The following ENO1 variants were observed in gnomAD, a reference collection of about 807,000 sequenced individuals.
ENO1 encodes the protein alpha-enolase.
Under a neutral mutation model 46.3 loss-of-function variants are expected in ENO1, and 33 were observed. That is an observed-to-expected ratio of 0.71 (90% CI 0.54 to 0.95). ENO1 has a LOEUF of 0.95. Ranked by LOEUF, ENO1 falls within the 40% of genes least tolerant of loss-of-function variation. The pLI is 0.00. For missense variants in ENO1, 488 were observed against 553.3 expected (o/e 0.88, Z 1.18); for synonymous variants, 220 against 216.0 (o/e 1.02, Z -0.16).
At chr1:8,876,700 A>C (rs1205218352) in intron 1 of ENO1, among the ~76,000 whole-genome samples, 2 of 151,850 alleles carry the variant, frequency 1.3e-5, no homozygotes, top group Non-Finnish European at 2.9e-5. Context: ...GAGGAGGCTG[A>C]GGCAGAAGAA....
intron 1 of ENO1, among the ~76,000 whole-genome samples, chr1:8,876,792 T>C (rs1642741915): frequency 6.7e-6 from 1 of 148,744 alleles, no homozygotes; most frequent in South Asian, 2.1e-4. Context: ...AGAGACTCCG[T>C]CTCAGAAAAA....
At chr1:8,871,432 C>T in intron 3 of ENO1, 1 of 997,120 alleles carries the variant, frequency 1.0e-6, no homozygotes, top group Non-Finnish European at 1.2e-6. Context: ...AGGAAAATCA[C>T]ACTAAATGAC....
intron 3 of ENO1, chr1:8,871,477 G>A: frequency 4.9e-6 from 5 of 1,012,162 alleles, no homozygotes; most frequent in Non-Finnish European, 5.9e-6. Flanking sequence ...CAGGTCATTG[G>A]TTAGACCTTC....
chr1:8,873,345 G>GGA (rs917607482), intron 2 of ENO1, among the ~76,000 whole-genome samples: 2 of 152,054 alleles, frequency 1.3e-5, no homozygotes, highest in African/African-American at 2.4e-5. Context: ...GATGAGACAG[G>GGA]GAGAGAGAGA....
chr1:8,872,005 G>C lies in ENO1; in HGVS notation c.86-19C>G. ...AAGAGACCTGGATGAGAGGAAAAAA[G>C]ATGTAGTAGCAATTCAGAAATCCAG... On this transcript the variant is annotated intron_variant, in intron 2 of 11. Coordinates refer to ENST00000234590, the MANE Select transcript of ENO1 (RefSeq NM_001428.5). 1 of 1,605,792 alleles carries C rather than the reference G, an allele frequency of 6.2e-7. No homozygotes were observed. Among genetic ancestry groups the C allele is most frequent in the South Asian group, 1.1e-5 (1 of 90,934 alleles).
At chr1:8,871,008 G>T (rs771537391) in intron 3 of ENO1, 2 of 1,241,336 alleles carry the variant, frequency 1.6e-6, no homozygotes, top group Non-Finnish European at 2.0e-6. Context: ...GGGGCCATGC[G>T]TTCAATCTTC....
chr1:8,867,002 G>A (rs1307637880), intron 6 of ENO1, 115 bp downstream of exon 6: 11 of 1,455,106 alleles, frequency 7.6e-6, no homozygotes, highest in Non-Finnish European at 1.0e-5. Context: ...AAGGGGCAGA[G>A]CTGTGCTGGG....
intron 4 of ENO1, among the ~76,000 whole-genome samples, chr1:8,869,145 AC>A (rs1411567310): frequency 6.6e-6 from 1 of 152,198 alleles, no homozygotes; most frequent in Admixed American, 6.5e-5. Flanking sequence ...TCAAGGCATC[AC>A]TGCAACAGGC....
intron 4 of ENO1, among the ~76,000 whole-genome samples, chr1:8,869,192 T>C (rs866165479): frequency 6.6e-6 from 1 of 151,614 alleles, no homozygotes; most frequent in African/African-American, 2.4e-5. Flanking sequence ...CAGAGGTCAA[T>C]TCTCACTAAC....
chr1:8,861,695 C>G (rs1477179509), intron 11 of ENO1, among the ~76,000 whole-genome samples: 1 of 152,090 alleles, frequency 6.6e-6, no homozygotes, highest in Non-Finnish European at 1.5e-5. Flanking sequence ...TCTTCCTCTC[C>G]TCTCCCCGTC....
chr1:8,869,527 CT>C (rs1027742991), intron 4 of ENO1, among the ~76,000 whole-genome samples: 5 of 152,104 alleles, frequency 3.3e-5, no homozygotes, highest in Admixed American at 2.6e-4. Context: ...TAGACGGAGG[CT>C]GTGGCTGGGC....
Position 8,874,577 on chromosome 1 carries a change from C to CAAAAAA in ENO1, c.85+241_85+246dup, listed in dbSNP as rs140269736. On this transcript the variant is annotated intron_variant, in intron 2 of 11. Coordinates refer to ENST00000234590, the MANE Select transcript of ENO1 (RefSeq NM_001428.5). ...TGGGTGACAGAGCAAGACTCCATCT[C>CAAAAAA]AAAAAAAAAAAAAAAAAAAAAAAGA... 5.9e-3 allele frequency among the ~76,000 whole-genome samples: 299 copies of CAAAAAA among 51,092 alleles called. 1 individual carries two copies. The highest frequency in any genetic ancestry group is 0.019 in the Middle Eastern group (1 of 54). The allele number at this position is 51,092 out of a possible 152,430, so 33.5% of individuals were successfully genotyped here.
At chr1:8,874,577 CAAAAAAAAAAAAAAA>C (rs140269736) in intron 2 of ENO1, among the ~76,000 whole-genome samples, 1 of 51,602 alleles carries the variant, frequency 1.9e-5, no homozygotes, top group Non-Finnish European at 3.5e-5. Context: ...GACTCCATCT[CAAAAAAAAAAAAAAA>C]AAAAAAAAGA....
In ENO1 at chr1:8,871,957, C is replaced by G. The variant is rs2124094519; in HGVS notation, c.115G>C (p.Ala39Pro). The change falls in exon 3 of 12, where the codon GCT becomes CCT. Residue 39 changes from alanine to proline, a missense_variant. Coordinates refer to ENST00000234590, the MANE Select transcript of ENO1 (RefSeq NM_001428.5). ...GLFRAAVPSG[A>P]STGIYEALEL... ...AGGGCCTCATAGATACCAGTTGAAG[C>G]ACCACTGGGCACAGCAGCTCTGAAG... is the stretch of plus-strand genomic sequence containing the variant. The G allele has an allele frequency of 6.2e-7, 1 of 1,614,132 alleles. No individual in the cohort carries two copies. The highest frequency in any genetic ancestry group is 8.5e-7 in the Non-Finnish European group (1 of 1,180,008).
chr1:8,863,045 C>A, intron 10 of ENO1, 100 bp from the exon 11 acceptor site: 1 of 1,486,038 alleles, frequency 6.7e-7, no homozygotes, highest in East Asian at 2.4e-5. Context: ...TCTAGAGGAT[C>A]TGATGCTAGG....
intron 2 of ENO1, among the ~76,000 whole-genome samples, chr1:8,873,532 G>GACTAAGCAAACC (rs1642675042): frequency 6.6e-6 from 1 of 152,204 alleles, no homozygotes; most frequent in South Asian, 2.1e-4. Context: ...TCCACCCATT[G>GACTAAGCAAACC]ACTAAGCAAA....
intron 2 of ENO1, among the ~76,000 whole-genome samples, chr1:8,874,577 C>CAAA (rs140269736): frequency 0.031 from 1,594 of 51,378 alleles, 135 homozygotes; most frequent in African/African-American, 0.056. Context: ...GACTCCATCT[C>CAAA]AAAAAAAAAA....
chr1:8,874,916 T>A lies in ENO1; in HGVS notation c.-8A>T. The A allele has an allele frequency of 6.2e-7, 1 of 1,611,920 alleles. No individual in the cohort carries two copies. The highest frequency in any genetic ancestry group is 1.1e-5 in the South Asian group (1 of 90,752). ...GATCTTGAGAATAGACATGGTGAAC[T>A]TCTGTAGAAGAAACACACAGTTCAT... On this transcript the variant is annotated splice_region_variant and 5_prime_UTR_variant, in exon 2 of 12. The change creates a new upstream start codon in the 5' untranslated region. Transcript: ENST00000234590.
chr1:8,868,092 C>G, intron 4 of ENO1, 35 bp from the exon 5 acceptor site: 1 of 1,487,564 alleles, frequency 6.7e-7, no homozygotes, highest in Non-Finnish European at 9.4e-7. Context: ...GGGTTGGGGC[C>G]ACTCTTATCT....
Sources: allele counts gnomAD v4.1 joint callset (sites outside exome capture counted in the v4.1 genomes callset), GRCh38; gene constraint gnomAD v4.1.1; transcripts MANE v1.5; gene names NCBI Gene and HGNC (gene_info 2026-07-23, HGNC 2026-07-21).